Variants in GDI2 observed in about 807,000 individuals in gnomAD.
GDI2 encodes GDP dissociation inhibitor 2.
GDI2 carries 22 observed loss-of-function variants against 54.2 expected under a neutral mutation model. That is an observed-to-expected ratio of 0.41 (90% CI 0.29 to 0.58). The LOEUF (loss-of-function observed/expected upper bound fraction) is 0.58, where lower values mean the gene tolerates loss of function less well. Among genes scored for constraint, GDI2 ranks in the 20% least tolerant of loss-of-function variants. The pLI is 0.35. For synonymous variants in GDI2, 177 were observed against 182.1 expected, an observed-to-expected ratio of 0.97 and a Z score of 0.23; for missense variants, 422 against 546.0, an observed-to-expected ratio of 0.77 and a Z score of 2.26.
At chr10:5,806,616 CTTCA>C (rs1841386326) in intron 1 of GDI2, among the ~76,000 whole-genome samples, 1 of 151,876 alleles carries the variant, frequency 6.6e-6, no homozygotes, top group Non-Finnish European at 1.5e-5. Flanking sequence ...TTTTCACTTT[CTTCA>C]TTATGTCTTC....
At chr10:5,807,169 G>A (rs1473838) in intron 1 of GDI2, among the ~76,000 whole-genome samples, 145,378 of 152,292 alleles carry the variant, frequency 0.95, 69,762 homozygotes, top group East Asian at 1. Context: ...AACATAATAA[G>A]CTTTGTTTTA....
At chr10:5,771,334 G>A (rs897486930) in intron 7 of GDI2, among the ~76,000 whole-genome samples, 1 of 152,152 alleles carries the variant, frequency 6.6e-6, no homozygotes. Context: ...TAACCTCAAA[G>A]GATTGTTGTT....
rs75631052 is a variant in GDI2 at position 5,780,293 on chromosome 10, C to CA, written c.719+4848dup. 4.1e-3 allele frequency among the ~76,000 whole-genome samples: 537 copies of CA among 131,872 alleles called. 1 individual carries two copies. Among genetic ancestry groups the CA allele is most frequent in the African/African-American group, 8.2e-3 (290 of 35,542 alleles). The allele number at this position is 131,872 out of a possible 152,430, so 86.5% of individuals were successfully genotyped here. On this transcript the variant is annotated intron_variant, in intron 6 of 10. Coordinates refer to ENST00000380191, the MANE Select transcript of GDI2 (RefSeq NM_001494.4). Reference sequence around the variant, plus strand: ...GAACTTAATGTGACAAAACCATCTACAAAAAAAAAAAAAACTATAGAAAAC... The same window carrying CA: ...GAACTTAATGTGACAAAACCATCTACAAAAAAAAAAAAAAACTATAGAAAAC...
chr10:5,773,720 A>G, intron 7 of GDI2, 122 bp downstream of exon 7: 1 of 645,680 alleles, frequency 1.5e-6, no homozygotes, highest in South Asian at 1.8e-5. Context: ...CTTAGTCACA[A>G]TAAATACTAA....
chr10:5,769,225 T>C (rs1254908971), intron 7 of GDI2: 1 of 151,974 alleles, frequency 6.6e-6, no homozygotes, highest in Non-Finnish European at 1.5e-5. Context: ...GGGATTAATA[T>C]CCACAATACA....
rs116987654 is a variant in GDI2 at position 5,797,181 on chromosome 10, C to T, written c.154-319G>A. 1.2e-3 allele frequency among the ~76,000 whole-genome samples: 176 copies of T among 152,116 alleles called. 1 individual carries two copies. The East Asian group carries it at 0.027, about 23-fold the overall frequency. On this transcript the variant is annotated intron_variant, in intron 2 of 10. Coordinates refer to ENST00000380191, the MANE Select transcript of GDI2 (RefSeq NM_001494.4). ...TCCCAGCACTTTGTAATCCATGAGGCGGGTGGATCCCTTGAGGTCAGGAGT... is the reference window on the plus strand; with the variant it reads ...TCCCAGCACTTTGTAATCCATGAGGTGGGTGGATCCCTTGAGGTCAGGAGT...
chr10:5,796,471 G>C (rs750588547), intron 3 of GDI2, among the ~76,000 whole-genome samples: 2 of 152,102 alleles, frequency 1.3e-5, no homozygotes, highest in Admixed American at 6.6e-5. Context: ...AGTTATTTAA[G>C]ACTGTCATAA....
intron 3 of GDI2, 101 bp from the exon 4 acceptor site, chr10:5,795,120 A>G: frequency 1.4e-6 from 1 of 727,008 alleles, no homozygotes; most frequent in East Asian, 2.6e-5. Flanking sequence ...ACGATGTTCA[A>G]TAACTCCAAC....
At chr10:5,799,060 G>A (rs1763756582) in intron 2 of GDI2, among the ~76,000 whole-genome samples, 1 of 152,032 alleles carries the variant, frequency 6.6e-6, no homozygotes, top group Non-Finnish European at 1.5e-5. Flanking sequence ...ATAAAGAGGT[G>A]CCCAGGCATG....
chr10:5,785,306 C>CT, intron 5 of GDI2, 33 bp from the exon 6 acceptor site: 1 of 1,483,092 alleles, frequency 6.7e-7, no homozygotes, highest in Non-Finnish European at 9.2e-7. Flanking sequence ...TAGGAAAGGG[C>CT]TTTAGTTTTC....
At chr10:5,796,925 A>G in intron 2 of GDI2, 63 bp from the exon 3 acceptor site, 1 of 775,878 alleles carries the variant, frequency 1.3e-6, no homozygotes, top group South Asian at 1.6e-5. Flanking sequence ...TACAATATGT[A>G]CATATTTTTT....
chr10:5,788,640 T>C (rs1027348193), intron 4 of GDI2, among the ~76,000 whole-genome samples: 1 of 152,208 alleles, frequency 6.6e-6, no homozygotes, highest in African/African-American at 2.4e-5. Context: ...AGTTAACAAA[T>C]TTCTGTTGGG....
In GDI2 at chr10:5,776,715, C is replaced by T. The variant is rs1171421041; in HGVS notation, c.720-2774G>A. The T allele has an allele frequency of 2.0e-6, 3 of 1,471,150 alleles. No individual in the cohort carries two copies. In the East Asian group the frequency reaches 6.8e-5, roughly 33 times the overall value. 91.1% of individuals were successfully genotyped at this position (1,471,150 alleles called of 1,614,324 possible). A position where few individuals can be genotyped will look rare whatever the true frequency, so the allele number is the denominator to read the frequency against. On this transcript the variant is annotated intron_variant, in intron 6 of 10. Coordinates refer to ENST00000380191, the MANE Select transcript of GDI2 (RefSeq NM_001494.4). The surrounding 1 kb of genome is among the most constrained non-coding windows in gnomAD (Gnocchi z 5.3). The stretch of plus-strand genomic sequence containing the variant: ...TTGCCGCCACATTCAGAAACTGCTA[C>T]AGCCTCTTTAACCTGGCAGAAGTTT...
chr10:5,767,326 T>G (rs967956299), intron 8 of GDI2, among the ~76,000 whole-genome samples: 6 of 151,938 alleles, frequency 3.9e-5, no homozygotes, highest in South Asian at 4.2e-4. Context: ...TGGTTTTTTT[T>G]TGTGTTTTAA....
At chr10:5,773,156 C>G (rs567866587) in intron 7 of GDI2, among the ~76,000 whole-genome samples, 1 of 152,046 alleles carries the variant, frequency 6.6e-6, no homozygotes, top group African/African-American at 2.4e-5. Context: ...TGAAGATGCC[C>G]CCCACCCCAC....
chr10:5,802,113 G>C (rs577696819), intron 1 of GDI2, among the ~76,000 whole-genome samples: 27 of 152,146 alleles, frequency 1.8e-4, no homozygotes, highest in Admixed American at 1.3e-4. Flanking sequence ...CTTCAGCTCA[G>C]GGAAAACCTG....
intron 6 of GDI2, among the ~76,000 whole-genome samples, chr10:5,780,556 A>T (rs1345422968): frequency 6.6e-6 from 1 of 152,234 alleles, no homozygotes; most frequent in African/African-American, 2.4e-5. Flanking sequence ...TGAACTAGTA[A>T]AACTTAAGTA....
At chr10:5,810,701 G>C (rs1345142152) in intron 1 of GDI2, among the ~76,000 whole-genome samples, 1 of 152,192 alleles carries the variant, frequency 6.6e-6, no homozygotes, top group Non-Finnish European at 1.5e-5. Context: ...ACAGCATTTA[G>C]AAAGGCATTA....
intron 7 of GDI2, among the ~76,000 whole-genome samples, chr10:5,770,132 G>GCTAT (rs778781220): frequency 6.6e-5 from 10 of 152,162 alleles, no homozygotes; most frequent in Non-Finnish European, 1.2e-4. Context: ...TCACAAGAAG[G>GCTAT]CAAATACTAT....
Sources: allele counts gnomAD v4.1 joint callset (sites outside exome capture counted in the v4.1 genomes callset), GRCh38; gene constraint gnomAD v4.1.1; non-coding constraint Gnocchi (gnomAD v3.1); transcripts MANE v1.5; gene names NCBI Gene and HGNC (gene_info 2026-07-23, HGNC 2026-07-21).